JPH4: variants seen among roughly 807,000 people sequenced by gnomAD.
JPH4 encodes junctophilin-4.
A neutral mutation model predicts 57.6 loss-of-function variants in JPH4; 18 were observed. The observed-to-expected ratio is 0.31, with a 90% CI of 0.22 to 0.46. JPH4 has a LOEUF of 0.46. Ranked by LOEUF, JPH4 falls within the 20% of genes least tolerant of loss-of-function variation. The probability of loss-of-function intolerance (pLI) is 1.00; values close to 1 mark genes in which losing one functional copy is unlikely to be tolerated. For missense variants in JPH4, 727 were observed against 911.1 expected (o/e 0.80, Z 2.60); for synonymous variants, 425 against 406.6 (o/e 1.05, Z -0.54).
chr14:23,573,283 T>C (rs2139468201), intron 3 of JPH4, among the ~76,000 whole-genome samples: 1 of 152,344 alleles, frequency 6.6e-6, no homozygotes, highest in Middle Eastern at 3.4e-3. Context: ...TCAGATAACG[T>C]GGCTCTTCTG....
In JPH4 at chr14:23,569,984, G is replaced by A. The variant is rs909512111; in HGVS notation, c.1804-267C>T. Among the ~76,000 whole-genome samples the A allele has an allele frequency of 5.3e-5, 8 of 152,144 alleles. No individual in the cohort carries two copies. Among genetic ancestry groups the A allele is most frequent in the African/African-American group, 1.9e-4 (8 of 41,424 alleles). ...TCAGCATATCATGTGTCCCAGGCAG[G>A]AGGTGCCTGGCCTTAGTAGCAGACA... On this transcript the variant is annotated intron_variant, in intron 5 of 5. Coordinates refer to ENST00000356300, the MANE Select transcript of JPH4 (RefSeq NM_001146028.2). This position sits in a 1 kb window ranked among gnomAD's most constrained non-coding sequence, Gnocchi z 4.8.
At position 23,578,211 on chromosome 14, in the gene JPH4, G is replaced by A; in HGVS notation, c.-203C>T. ...GGCTGGGGCTCAGGCTGCCTCCCCG[G>A]CACAGCATCCATGGCAGGATACCTC... On this transcript the variant is annotated 5_prime_UTR_variant, in exon 1 of 6. Coordinates refer to ENST00000356300, the MANE Select transcript of JPH4 (RefSeq NM_001146028.2). The A allele has an allele frequency of 6.6e-6, 1 of 152,392 alleles. No individual in the cohort carries two copies. The highest frequency in any genetic ancestry group is 1.5e-5 in the Non-Finnish European group (1 of 68,320). The allele number at this position is 152,392 out of a possible 1,614,324, so 9.4% of individuals were successfully genotyped here. A position where few individuals can be genotyped will look rare whatever the true frequency, so the allele number is the denominator to read the frequency against.
intron 3 of JPH4, chr14:23,572,888 G>A (rs994593497): frequency 1.6e-5 from 11 of 702,494 alleles, no homozygotes; most frequent in Admixed American, 6.0e-5. Context: ...CTTCCCCACT[G>A]TTGCTTCTCA....
Position 23,577,514 on chromosome 14 carries a change from C to G in JPH4, c.-61G>C. On this transcript the variant is annotated 5_prime_UTR_variant, in exon 2 of 6. Transcript: ENST00000356300. The surrounding 1 kb of genome is among the most constrained non-coding windows in gnomAD (Gnocchi z 8.4). ...TCAGCGCATCCTGGGACTGGAGAGC[C>G]TGCTGGGGGCCTTGGAGCCGGGCGA... 7.5e-7 allele frequency: 1 copy of G among 1,330,048 alleles called. No individual in the cohort carries two copies. Among genetic ancestry groups the G allele is most frequent in the East Asian group, 3.1e-5 (1 of 32,538 alleles). 82.4% of individuals were successfully genotyped at this position (1,330,048 alleles called of 1,614,324 possible).
In JPH4 at chr14:23,577,420, C is replaced by G; in HGVS notation, c.34G>C (p.Gly12Arg). ...SPGGKFDFDD[G>R]GCYVGGWEAG... ...TCCCAGCCCCCCACGTAGCAGCCCCCGTCGTCAAAGTCGAACTTGCCCCCG... is the reference window on the plus strand; with the variant it reads ...TCCCAGCCCCCCACGTAGCAGCCCCGGTCGTCAAAGTCGAACTTGCCCCCG... Residue 12 changes from glycine (G) to arginine (R), a missense_variant, in exon 2 of 6, where the codon GGG (glycine) becomes CGG (arginine). Gly to Arg is a moderately radical substitution (Grantham distance 125). This residue lies in a region of JPH4 where 83 missense variants were observed against 135.4 expected (regional missense o/e 0.61). Coordinates refer to ENST00000356300, the MANE Select transcript of JPH4 (RefSeq NM_001146028.2). This position sits in a 1 kb window ranked among gnomAD's most constrained non-coding sequence, Gnocchi z 8.4. 2 of 1,447,432 alleles carry G rather than the reference C, an allele frequency of 1.4e-6. No individual in the cohort carries two copies. Among genetic ancestry groups the G allele is most frequent in the East Asian group, 2.7e-5 (1 of 36,806 alleles). The allele number at this position is 1,447,432 out of a possible 1,614,324, so 89.7% of individuals were successfully genotyped here.
rs1889271176 is a variant in JPH4, at chr14:23,576,286, C to T, written c.550G>A (p.Gly184Arg). 1.6e-6 allele frequency: 2 copies of T among 1,265,762 alleles called. No individual in the cohort carries two copies. The highest frequency in any genetic ancestry group is 9.9e-7 in the Non-Finnish European group (1 of 1,007,330). The allele number at this position is 1,265,762 out of a possible 1,614,324, so 78.4% of individuals were successfully genotyped here. ...CGGGAGCCCGAGGCGGGGCTGCCTC[C>T]CTCGTCGCCCGGCAAGGGCAGGGGC... ...PPPLPLPGDEGGSPASGSRGG... is the reference protein window; with the variant it reads ...PPPLPLPGDERGSPASGSRGG... The change falls in exon 3 of 6, where the codon GGA becomes AGA. Residue 184 changes from glycine to arginine, a missense_variant. By Grantham distance (125) the Gly-to-Arg change is moderately radical. This residue lies in a region of JPH4 where 131 missense variants were observed against 156.5 expected (regional missense o/e 0.84). Transcript: ENST00000356300. The surrounding 1 kb of genome is among the most constrained non-coding windows in gnomAD (Gnocchi z 8.0).
intron 5 of JPH4, among the ~76,000 whole-genome samples, chr14:23,570,625 C>T (rs777768827): frequency 4.7e-4 from 71 of 152,072 alleles, no homozygotes; most frequent in Non-Finnish European, 7.6e-4. Context: ...CCGCCCACTT[C>T]GGCCTCCCAA....
Position 23,569,407 on chromosome 14 carries a change from G to A in JPH4, c.*227C>T. ...TCTAGAGAAAGAAGGGGTTGGGATGGGGAAGGGAGTGAGGAATACAGAGAC... is the reference window on the plus strand; with the variant it reads ...TCTAGAGAAAGAAGGGGTTGGGATGAGGAAGGGAGTGAGGAATACAGAGAC... On this transcript the variant is annotated 3_prime_UTR_variant, in exon 6 of 6. Coordinates refer to ENST00000356300, the MANE Select transcript of JPH4 (RefSeq NM_001146028.2). This position sits in a 1 kb window ranked among gnomAD's most constrained non-coding sequence, Gnocchi z 4.8. 1.9e-6 allele frequency: 1 copy of A among 539,384 alleles called. No homozygotes were observed. Among genetic ancestry groups the A allele is most frequent in the Non-Finnish European group, 3.3e-6 (1 of 299,986 alleles). The allele number at this position is 539,384 out of a possible 1,614,324, so 33.4% of individuals were successfully genotyped here.
chr14:23,568,253 G>A lies in JPH4; in HGVS notation c.*1381C>T, dbSNP rs774762993. ...AGAAAAAAAGAAGAGGGTATGTGTG[G>A]TGGGCATTCCTGGGCAAGGCCATTC... On this transcript the variant is annotated 3_prime_UTR_variant, in exon 6 of 6. Transcript: ENST00000356300. 10 of 985,882 alleles carry A rather than the reference G, an allele frequency of 1.0e-5. No individual in the cohort carries two copies. Among genetic ancestry groups the A allele is most frequent in the Non-Finnish European group, 8.4e-6 (7 of 829,938 alleles). 61.1% of individuals were successfully genotyped at this position (985,882 alleles called of 1,614,324 possible).
In JPH4 at chr14:23,571,292, A is replaced by G; in HGVS notation, c.1439T>C (p.Leu480Pro). 6.3e-7 allele frequency: 1 copy of G among 1,598,800 alleles called. No homozygotes were observed. The highest frequency in any genetic ancestry group is 8.5e-7 in the Non-Finnish European group (1 of 1,172,272). ...GGGACCCTGGTCCCCTCCAGGAGGCAGTGGGCTCCGGCAGGCAGGGGGTCG... is the reference window on the plus strand; with the variant it reads ...GGGACCCTGGTCCCCTCCAGGAGGCGGTGGGCTCCGGCAGGCAGGGGGTCG... Reference protein sequence around the residue: ...PWRPPACRSPLPPGGDQGPFS... With the variant: ...PWRPPACRSPPPPGGDQGPFS... The change falls in exon 5 of 6, where the codon CTG becomes CCG. Residue 480 changes from leucine (L) to proline (P), a missense_variant. This residue lies in a region of JPH4 where 293 missense variants were observed against 279.8 expected (regional missense o/e 1.05). Coordinates refer to ENST00000356300, the MANE Select transcript of JPH4 (RefSeq NM_001146028.2). The surrounding 1 kb of genome is among the most constrained non-coding windows in gnomAD (Gnocchi z 4.6).
At position 23,571,012 on chromosome 14, in the gene JPH4, C is replaced by G. The variant is rs762298675; in HGVS notation, c.1719G>C (p.Arg573Ser). 4.8e-5 allele frequency: 76 copies of G among 1,579,850 alleles called. No homozygotes were observed. The highest frequency in any genetic ancestry group is 6.1e-5 in the Non-Finnish European group (71 of 1,161,600). The change falls in exon 5 of 6, where the codon AGG (arginine) becomes AGC (serine). Residue 573 changes from arginine (R) to serine (S), a missense_variant. Arg to Ser is a moderately radical substitution (Grantham distance 110). Transcript: ENST00000356300. The surrounding 1 kb of genome is among the most constrained non-coding windows in gnomAD (Gnocchi z 4.6). ...CATCAGGACCCCTCGAGGACGAGCC[C>G]CTCAGGACCAGCATGGCGATGGGCT... Reference protein sequence around the residue: ...EPEPIAMLVLRGSSSRGPDAG... With the variant: ...EPEPIAMLVLSGSSSRGPDAG...
rs1889279043 is a variant in JPH4 at position 23,576,601 on chromosome 14, A to C, written c.380-145T>G. ...GTGGAGGTCGGGGAAGGGCACTGGG[A>C]GCCGGGAACAGGCCAGGCTGGGCCG... is the stretch of plus-strand genomic sequence containing the variant. On this transcript the variant is annotated intron_variant, in intron 2 of 5. Coordinates refer to ENST00000356300, the MANE Select transcript of JPH4 (RefSeq NM_001146028.2). This position sits in a 1 kb window ranked among gnomAD's most constrained non-coding sequence, Gnocchi z 8.0. 8 of 645,116 alleles carry C rather than the reference A, an allele frequency of 1.2e-5. No homozygotes were observed. The highest frequency in any genetic ancestry group is 1.9e-5 in the African/African-American group (1 of 52,732). 40.0% of individuals were successfully genotyped at this position (645,116 alleles called of 1,614,324 possible). A position where few individuals can be genotyped will look rare whatever the true frequency, so the allele number is the denominator to read the frequency against.
At position 23,568,273 on chromosome 14, in the gene JPH4, C is replaced by G. The variant is rs978417283; in HGVS notation, c.*1361G>C. The G allele has an allele frequency of 1.2e-5, 12 of 985,734 alleles. No individual in the cohort carries two copies. In the Admixed American group the frequency reaches 5.5e-4, roughly 45 times the overall value. The allele number at this position is 985,734 out of a possible 1,614,324, so 61.1% of individuals were successfully genotyped here. On this transcript the variant is annotated 3_prime_UTR_variant, in exon 6 of 6. Coordinates refer to ENST00000356300, the MANE Select transcript of JPH4 (RefSeq NM_001146028.2). ...GTGTGGTGGGCATTCCTGGGCAAGG[C>G]CATTCCTTGAGGGAGGGGGTTGGCA...
Position 23,571,294 on chromosome 14 carries a change from T to G in JPH4, c.1437A>C (p.Pro479=), listed in dbSNP as rs770860906. Residue 479 remains proline, a synonymous_variant, in exon 5 of 6, where the codon CCA becomes CCC. Transcript: ENST00000356300. The surrounding 1 kb of genome is among the most constrained non-coding windows in gnomAD (Gnocchi z 4.6). ...QPWRPPACRS[P]LPPGGDQGPF... ...GACCCTGGTCCCCTCCAGGAGGCAGTGGGCTCCGGCAGGCAGGGGGTCGCC... is the reference window on the plus strand; with the variant it reads ...GACCCTGGTCCCCTCCAGGAGGCAGGGGGCTCCGGCAGGCAGGGGGTCGCC... The G allele has an allele frequency of 3.8e-6, 6 of 1,598,358 alleles. No homozygotes were observed. In the Admixed American group the frequency reaches 1.0e-4, roughly 27 times the overall value.
chr14:23,575,574 AGCAGGCCCTAG>A lies in JPH4; in HGVS notation c.1151+100_1151+110del, dbSNP rs1271337377. Reference sequence around the variant, plus strand: ...AACTGCCTGGCCTTAGGCTTGCAATAGCAGGCCCTAGGCCTTGGGCCTTGGGCCTCCCTTAG... The same window carrying A: ...AACTGCCTGGCCTTAGGCTTGCAATAGCCTTGGGCCTTGGGCCTCCCTTAG... On this transcript the variant is annotated intron_variant, in intron 3 of 5. Coordinates refer to ENST00000356300, the MANE Select transcript of JPH4 (RefSeq NM_001146028.2). The surrounding 1 kb of genome is among the most constrained non-coding windows in gnomAD (Gnocchi z 6.9). 1 of 1,374,858 alleles carries A rather than the reference AGCAGGCCCTAG, an allele frequency of 7.3e-7. No individual in the cohort carries two copies. Among genetic ancestry groups the A allele is most frequent in the Non-Finnish European group, 9.9e-7 (1 of 1,011,320 alleles). The allele number at this position is 1,374,858 out of a possible 1,614,324, so 85.2% of individuals were successfully genotyped here.
Position 23,576,256 on chromosome 14 carries a change from C to A in JPH4, c.580G>T (p.Gly194Cys). Residue 194 changes from glycine (G) to cysteine (C), a missense_variant, in exon 3 of 6, where the codon GGC (glycine) becomes TGC (cysteine). Around this residue, in one of 7 missense-constraint regions of JPH4, gnomAD observed 131 missense variants for 156.5 expected, o/e 0.84. Coordinates refer to ENST00000356300, the MANE Select transcript of JPH4 (RefSeq NM_001146028.2). The surrounding 1 kb of genome is among the most constrained non-coding windows in gnomAD (Gnocchi z 8.0). ...TCCCCGGGCCCGGCCAGCACGAAGC[C>A]GCCCCGGGAGCCCGAGGCGGGGCTG... ...GGSPASGSRG[G>C]FVLAGPGDAD... 2 of 1,268,830 alleles carry A rather than the reference C, an allele frequency of 1.6e-6. No individual in the cohort carries two copies. The highest frequency in any genetic ancestry group is 2.0e-6 in the Non-Finnish European group (2 of 1,009,134). The allele number at this position is 1,268,830 out of a possible 1,614,324, so 78.6% of individuals were successfully genotyped here.
At position 23,576,157 on chromosome 14, in the gene JPH4, C is replaced by G; in HGVS notation, c.679G>C (p.Gly227Arg). Residue 227 changes from glycine (G) to arginine (R), a missense_variant, in exon 3 of 6, where the codon GGG becomes CGG. By Grantham distance (125) the Gly-to-Arg change is moderately radical. Transcript: ENST00000356300. This position sits in a 1 kb window ranked among gnomAD's most constrained non-coding sequence, Gnocchi z 8.0. ...CTGCGACGTCCGCCCGCTCGGAGCC[C>G]GCTGAGCAGCAGCGAACGGCGAAAG... ...GFFRRSLLLS[G>R]LRAGGRRSSL... The G allele has an allele frequency of 7.6e-7, 1 of 1,307,440 alleles. No individual in the cohort carries two copies. Among genetic ancestry groups the G allele is most frequent in the Non-Finnish European group, 9.7e-7 (1 of 1,027,830 alleles). 81.0% of individuals were successfully genotyped at this position (1,307,440 alleles called of 1,614,324 possible).
In JPH4 at chr14:23,570,528, C is replaced by T. The variant is rs3759621; in HGVS notation, c.1803+400G>A. ...CTGGGACTACAGGCGCCCGCCACCA[C>T]GCCCGGCTAAATTTTTTTTGTATTT... On this transcript the variant is annotated intron_variant, in intron 5 of 5. Coordinates refer to ENST00000356300, the MANE Select transcript of JPH4 (RefSeq NM_001146028.2). 3.4e-4 allele frequency among the ~76,000 whole-genome samples: 52 copies of T among 152,146 alleles called. No homozygotes were observed. The East Asian group carries it at 8.5e-3, about 25-fold the overall frequency.
Position 23,575,611 on chromosome 14 carries a change from G to T in JPH4, c.1151+74C>A. 1 of 1,537,226 alleles carries T rather than the reference G, an allele frequency of 6.5e-7. No homozygotes were observed. Among genetic ancestry groups the T allele is most frequent in the Non-Finnish European group, 8.7e-7 (1 of 1,143,858 alleles). On this transcript the variant is annotated intron_variant, in intron 3 of 5. Coordinates refer to ENST00000356300, the MANE Select transcript of JPH4 (RefSeq NM_001146028.2). This position sits in a 1 kb window ranked among gnomAD's most constrained non-coding sequence, Gnocchi z 6.9. Reference sequence around the variant, plus strand: ...GCCTTGGGCCTTGGGCCTCCCTTAGGCACACCCGCCTTCCTGGTCCCCAGC... The same window carrying T: ...GCCTTGGGCCTTGGGCCTCCCTTAGTCACACCCGCCTTCCTGGTCCCCAGC...
Sources: gnomAD v4.1 joint callset for allele counts (sites outside exome capture counted in the v4.1 genomes callset) on GRCh38, gnomAD v4.1.1 for gene constraint, gnomAD v4.1.1 regional missense constraint, Gnocchi (gnomAD v3.1) non-coding constraint, MANE v1.5 for transcripts, NCBI Gene and HGNC (gene_info 2026-07-23, HGNC 2026-07-21) for gene names.